Variants in RIT2 observed in about 807,000 individuals in gnomAD.
The protein encoded by RIT2 is Ras like without CAAX 2, also known as GTP-binding protein Rit2.
In RIT2, 24 loss-of-function variants were observed where a neutral mutation model predicts 23.7. That is an observed-to-expected ratio of 1.01 (90% CI 0.73 to 1.43). The LOEUF (loss-of-function observed/expected upper bound fraction) is 1.43. Among genes scored for constraint, RIT2 ranks in the 40% most tolerant of loss-of-function variants. The probability of loss-of-function intolerance (pLI) is 0.00; values close to 1 mark genes in which losing one functional copy is unlikely to be tolerated. For synonymous variants in RIT2, 107 were observed against 91.1 expected (o/e 1.17, Z -0.99); for missense variants, 236 against 266.9 (o/e 0.88, Z 0.81).
intron 3 of RIT2, among the ~76,000 whole-genome samples, chr18:42,960,088 C>T (rs986266941): frequency 6.6e-6 from 1 of 152,190 alleles, no homozygotes; most frequent in African/African-American, 2.4e-5. Flanking sequence ...ACTGTTCAAG[C>T]TTCACTCTTC....
chr18:42,875,737 C>T (rs1907728630), intron 4 of RIT2, among the ~76,000 whole-genome samples: 1 of 151,918 alleles, frequency 6.6e-6, no homozygotes, highest in Non-Finnish European at 1.5e-5. Context: ...CTTTTTGTCT[C>T]CTTTACCCAT....
intron 1 of RIT2, among the ~76,000 whole-genome samples, chr18:43,110,495 A>G (rs1913928805): frequency 6.6e-6 from 1 of 152,184 alleles, no homozygotes. Flanking sequence ...CCACAGTGAC[A>G]AAGGTCAATA....
At chr18:42,963,353 T>C (rs1354918550) in intron 3 of RIT2, among the ~76,000 whole-genome samples, 1 of 152,160 alleles carries the variant, frequency 6.6e-6, no homozygotes, top group Non-Finnish European at 1.5e-5. Context: ...GACAGTGACA[T>C]GGGAACATCC....
chr18:43,057,798 C>CTTTTTTTTTTT lies in RIT2; in HGVS notation c.104-23942_104-23932dup, dbSNP rs11393575. On this transcript the variant is annotated intron_variant, in intron 1 of 4. Coordinates refer to ENST00000326695, the MANE Select transcript of RIT2 (RefSeq NM_002930.4). ...GAGCTAATCTTCCAAGTGATGGACA[C>CTTTTTTTTTTT]TTTTTTTTTTTTTTTTTATCATCTA... Among the ~76,000 whole-genome samples, 509 of 122,554 alleles carry CTTTTTTTTTTT rather than the reference C, an allele frequency of 4.2e-3. 33 individuals are homozygous for CTTTTTTTTTTT. Among genetic ancestry groups the CTTTTTTTTTTT allele is most frequent in the African/African-American group, 0.011 (350 of 32,896 alleles). The allele number at this position is 122,554 out of a possible 152,430, so 80.4% of individuals were successfully genotyped here.
chr18:43,003,593 G>A (rs1034560658), intron 2 of RIT2, among the ~76,000 whole-genome samples: 6 of 151,684 alleles, frequency 4.0e-5, no homozygotes, highest in Non-Finnish European at 2.9e-5. Context: ...AATTGACTCT[G>A]GTACCAATGT....
intron 4 of RIT2, among the ~76,000 whole-genome samples, chr18:42,879,894 G>A (rs1356165855): frequency 2.6e-5 from 4 of 152,130 alleles, no homozygotes; most frequent in Non-Finnish European, 5.9e-5. Context: ...TGTATTTATA[G>A]GTATTACATG....
intron 2 of RIT2, among the ~76,000 whole-genome samples, chr18:43,005,381 A>G (rs1342777453): frequency 6.6e-6 from 1 of 151,862 alleles, no homozygotes; most frequent in Non-Finnish European, 1.5e-5. Flanking sequence ...AATCTGTAAT[A>G]TACACTTTTA....
intron 3 of RIT2, among the ~76,000 whole-genome samples, chr18:42,966,087 C>A (rs1598732695): frequency 6.6e-6 from 1 of 152,068 alleles, no homozygotes; most frequent in East Asian, 1.9e-4. Context: ...AATATGTGAC[C>A]TCCTGAAGCT....
chr18:42,802,962 G>T (rs1371400172), intron 4 of RIT2, among the ~76,000 whole-genome samples: 1 of 152,112 alleles, frequency 6.6e-6, no homozygotes, highest in Admixed American at 6.6e-5. Context: ...TCTTTAGAGA[G>T]TAATGGCTCT....
intron 1 of RIT2, among the ~76,000 whole-genome samples, chr18:43,079,224 C>G (rs999221056): frequency 6.6e-6 from 1 of 152,100 alleles, no homozygotes; most frequent in Admixed American, 6.5e-5. Context: ...GCTTGTAAAA[C>G]TTATTCATGA....
At chr18:43,103,469 C>A (rs1913735157) in intron 1 of RIT2, among the ~76,000 whole-genome samples, 1 of 152,048 alleles carries the variant, frequency 6.6e-6, no homozygotes. Context: ...CATCTTAAGA[C>A]CACAAGCCAG....
At chr18:42,836,519 A>G (rs1218312616) in intron 4 of RIT2, among the ~76,000 whole-genome samples, 2 of 152,184 alleles carry the variant, frequency 1.3e-5, no homozygotes, top group Non-Finnish European at 2.9e-5. Flanking sequence ...CAAAGCAACA[A>G]AATTCTACTT....
chr18:42,879,780 CT>C (rs947901726), intron 4 of RIT2, among the ~76,000 whole-genome samples: 5 of 151,928 alleles, frequency 3.3e-5, no homozygotes, highest in African/African-American at 4.8e-5. Context: ...AAAAATAAAA[CT>C]TTTTTTTCAA....
At chr18:42,913,264 A>G (rs636118) in intron 4 of RIT2, among the ~76,000 whole-genome samples, 12 of 151,882 alleles carry the variant, frequency 7.9e-5, no homozygotes, top group African/African-American at 2.9e-4. Flanking sequence ...AATGTGAAAC[A>G]AAATGATAGA....
At chr18:42,915,998 G>A (rs1007337386) in intron 4 of RIT2, among the ~76,000 whole-genome samples, 2 of 151,574 alleles carry the variant, frequency 1.3e-5, no homozygotes, top group Admixed American at 6.6e-5. Context: ...AACACTTGTA[G>A]GTTCTATGCT....
intron 4 of RIT2, among the ~76,000 whole-genome samples, chr18:42,854,275 T>C (rs1033351427): frequency 6.6e-6 from 1 of 152,214 alleles, no homozygotes; most frequent in East Asian, 1.9e-4. Flanking sequence ...AAGAAGATGA[T>C]ATAACCTTAG....
rs548340912 is a variant in RIT2 at position 42,844,869 on chromosome 18, C to T, written c.426+78703G>A. ...TGCCTAGAATTTCTCTGCCTCCACC[C>T]TCTATCAAAAGTAGTGACAGATACA... On this transcript the variant is annotated intron_variant, in intron 4 of 4. Coordinates refer to ENST00000326695, the MANE Select transcript of RIT2 (RefSeq NM_002930.4). Among the ~76,000 whole-genome samples the T allele has an allele frequency of 5.3e-5, 8 of 152,144 alleles. No individual in the cohort carries two copies. The South Asian group carries it at 1.5e-3, about 28-fold the overall frequency.
intron 4 of RIT2, among the ~76,000 whole-genome samples, chr18:42,754,431 C>T (rs1209229766): frequency 6.6e-6 from 1 of 152,116 alleles, no homozygotes; most frequent in African/African-American, 2.4e-5. Context: ...CACAGTAGAG[C>T]CCATCATTCC....
intron 2 of RIT2, among the ~76,000 whole-genome samples, chr18:42,975,266 T>C (rs1310775707): frequency 6.6e-6 from 1 of 152,102 alleles, no homozygotes; most frequent in Non-Finnish European, 1.5e-5. Context: ...CTGCGTCTAT[T>C]GAGATAAATA....
Sources: gnomAD v4.1 joint callset for allele counts (sites outside exome capture counted in the v4.1 genomes callset) on GRCh38, gnomAD v4.1.1 for gene constraint, MANE v1.5 for transcripts, NCBI Gene and HGNC (gene_info 2026-07-23, HGNC 2026-07-21) for gene names.